Variants in HS3ST3B1 observed in about 807,000 individuals in gnomAD.
HS3ST3B1 encodes the protein heparan sulfate glucosamine 3-O-sulfotransferase 3B1.
Under a neutral mutation model 21.3 loss-of-function variants are expected in HS3ST3B1, and 13 were observed. The observed-to-expected ratio is 0.61, with a 90% CI of 0.40 to 0.97. The LOEUF is 0.97. Ranked by LOEUF, HS3ST3B1 falls within the 50% of genes least tolerant of loss-of-function variation. HS3ST3B1 has a pLI of 0.00. For synonymous variants in HS3ST3B1, 234 were observed against 254.8 expected, an observed-to-expected ratio of 0.92 and a Z score of 0.78; for missense variants, 459 against 554.8, an observed-to-expected ratio of 0.83 and a Z score of 1.73.
At chr17:14,310,315 G>T (rs1909267069) in intron 1 of HS3ST3B1, among the ~76,000 whole-genome samples, 1 of 152,098 alleles carries the variant, frequency 6.6e-6, no homozygotes, top group African/African-American at 2.4e-5. Flanking sequence ...TGTGCACAGA[G>T]CCCTGTAGCC....
intron 1 of HS3ST3B1, among the ~76,000 whole-genome samples, chr17:14,326,921 C>CAAAAAAAAAAAAAAAA (rs60800866): frequency 5.0e-5 from 3 of 60,480 alleles, no homozygotes; most frequent in Non-Finnish European, 1.1e-4. Flanking sequence ...AACTCTGTCT[C>CAAAAAAAAAAAAAAAA]AAAAAAAAAA....
intron 1 of HS3ST3B1, chr17:14,328,136 A>T (rs1185111379): frequency 6.6e-6 from 1 of 152,236 alleles, no homozygotes; most frequent in Non-Finnish European, 1.5e-5. Context: ...TTTAAGACTC[A>T]CCAGTCAGGC....
At chr17:14,331,425 G>C (rs1489247184) in intron 1 of HS3ST3B1, among the ~76,000 whole-genome samples, 1 of 152,078 alleles carries the variant, frequency 6.6e-6, no homozygotes, top group Non-Finnish European at 1.5e-5. Flanking sequence ...GCTCTTTTGA[G>C]CTCCACCCCC....
intron 1 of HS3ST3B1, among the ~76,000 whole-genome samples, chr17:14,308,543 G>A (rs148005590): frequency 3.3e-5 from 5 of 152,258 alleles, no homozygotes; most frequent in Admixed American, 6.5e-5. Flanking sequence ...ATTGCTGTTT[G>A]TAAAAATTAT....
chr17:14,325,018 A>C (rs1909764659), intron 1 of HS3ST3B1, among the ~76,000 whole-genome samples: 1 of 152,258 alleles, frequency 6.6e-6, no homozygotes, highest in Admixed American at 6.5e-5. Context: ...TGTCCTAAGA[A>C]ATGTACCCCA....
chr17:14,322,520 GT>G (rs1393828890), intron 1 of HS3ST3B1, among the ~76,000 whole-genome samples: 1 of 152,144 alleles, frequency 6.6e-6, no homozygotes, highest in Non-Finnish European at 1.5e-5. Context: ...TTATTTTTCT[GT>G]AGCATGAACT....
chr17:14,347,490 T>C lies in HS3ST3B1; in HGVS notation c.*1844T>C, dbSNP rs924220236. 3 of 152,262 alleles carry C rather than the reference T, an allele frequency of 2.0e-5. No individual in the cohort carries two copies. The highest frequency in any genetic ancestry group is 7.2e-5 in the African/African-American group (3 of 41,474). The allele number at this position is 152,262 out of a possible 1,614,324, so 9.4% of individuals were successfully genotyped here. On this transcript the variant is annotated 3_prime_UTR_variant, in exon 2 of 2. Transcript: ENST00000360954. ...TTCCATCAAGGAATATGTGGGAAGA[T>C]ATACATATTGTCAAAATGGTTGGGA...
chr17:14,315,160 A>G (rs1242489891), intron 1 of HS3ST3B1, among the ~76,000 whole-genome samples: 2 of 152,152 alleles, frequency 1.3e-5, no homozygotes, highest in Non-Finnish European at 2.9e-5. Context: ...TCACTCAGTC[A>G]TTCTGGTGTC....
At chr17:14,325,652 C>A (rs990546451) in intron 1 of HS3ST3B1, among the ~76,000 whole-genome samples, 2 of 152,182 alleles carry the variant, frequency 1.3e-5, no homozygotes, top group Non-Finnish European at 2.9e-5. Context: ...ACTGGAGACA[C>A]CTAGTGATCT....
Position 14,302,050 on chromosome 17 carries a change from G to C in HS3ST3B1, c.532G>C (p.Asp178His), listed in dbSNP as rs1163615261. The C allele has an allele frequency of 6.2e-7, 1 of 1,604,940 alleles. No individual in the cohort carries two copies. Among genetic ancestry groups the C allele is most frequent in the Admixed American group, 1.7e-5 (1 of 59,676 alleles). ...GCCCCATTTCTTCGATCGCAGCTAC[G>C]ACAAGGGCCTCGCTTGGTACCGGTG... ...AEPHFFDRSYDKGLAWYRDLM... is the reference protein window; with the variant it reads ...AEPHFFDRSYHKGLAWYRDLM... Residue 178 changes from aspartate (D) to histidine (H), a missense_variant, in exon 1 of 2, where the codon GAC becomes CAC. Physicochemically the swap from Asp to His is moderately conservative, Grantham distance 81. Around this residue, in one of 3 missense-constraint regions of HS3ST3B1, gnomAD observed 317 missense variants for 278.6 expected, o/e 1.14. Coordinates refer to ENST00000360954, the MANE Select transcript of HS3ST3B1 (RefSeq NM_006041.3).
intron 1 of HS3ST3B1, among the ~76,000 whole-genome samples, chr17:14,326,846 G>A (rs948133161): frequency 8.6e-5 from 13 of 150,686 alleles, no homozygotes; most frequent in Non-Finnish European, 1.6e-4. Flanking sequence ...GCTTGAACCC[G>A]GGAGGTGGAG....
At chr17:14,313,003 C>G (rs898727485) in intron 1 of HS3ST3B1, among the ~76,000 whole-genome samples, 9 of 149,570 alleles carry the variant, frequency 6.0e-5, no homozygotes, top group African/African-American at 2.0e-4. Flanking sequence ...CACCTGGGTT[C>G]AAGCAATTCT....
chr17:14,316,013 C>T (rs1909485627), intron 1 of HS3ST3B1, among the ~76,000 whole-genome samples: 1 of 152,180 alleles, frequency 6.6e-6, no homozygotes, highest in Admixed American at 6.5e-5. Flanking sequence ...CTTCCAGCAT[C>T]CTGAGGCATT....
intron 1 of HS3ST3B1, among the ~76,000 whole-genome samples, chr17:14,307,981 T>C (rs1027961222): frequency 2.0e-5 from 3 of 152,176 alleles, no homozygotes; most frequent in African/African-American, 4.8e-5. Context: ...ATGAAAACAA[T>C]ATGCTGCCTA....
Position 14,326,088 on chromosome 17 carries a change from T to C in HS3ST3B1, c.555-18940T>C, listed in dbSNP as rs117283239. 5.2e-4 allele frequency among the ~76,000 whole-genome samples: 79 copies of C among 152,164 alleles called. No homozygotes were observed. The East Asian group carries it at 0.015, about 29-fold the overall frequency. On this transcript the variant is annotated intron_variant, in intron 1 of 1. Transcript: ENST00000360954. ...ATTTTCAGGAAGGATGTTGGGAATG[T>C]AATAGTTATGAAAAAGGAACAAGGA...
At chr17:14,310,163 G>C (rs1302398362) in intron 1 of HS3ST3B1, among the ~76,000 whole-genome samples, 2 of 152,162 alleles carry the variant, frequency 1.3e-5, no homozygotes, top group African/African-American at 4.8e-5. Context: ...GGATGGAGAG[G>C]AGGAAGAGGA....
chr17:14,337,093 A>G (rs901337958), intron 1 of HS3ST3B1, among the ~76,000 whole-genome samples: 1 of 152,194 alleles, frequency 6.6e-6, no homozygotes, highest in Non-Finnish European at 1.5e-5. Context: ...TACTAGTATT[A>G]TTCTTTACCT....
At chr17:14,319,876 C>A (rs924896795) in intron 1 of HS3ST3B1, among the ~76,000 whole-genome samples, 16 of 152,022 alleles carry the variant, frequency 1.1e-4, no homozygotes, top group Non-Finnish European at 1.9e-4. Context: ...ATGCACCCAT[C>A]ACCCAAGCAA....
At chr17:14,343,793 A>G (rs1266415230) in intron 1 of HS3ST3B1, among the ~76,000 whole-genome samples, 1 of 152,222 alleles carries the variant, frequency 6.6e-6, no homozygotes, top group Non-Finnish European at 1.5e-5. Context: ...GCTATTATAA[A>G]ATGAATAGGA....
Sources: gnomAD v4.1 joint callset for allele counts (sites outside exome capture counted in the v4.1 genomes callset) on GRCh38, gnomAD v4.1.1 for gene constraint, gnomAD v4.1.1 regional missense constraint, MANE v1.5 for transcripts, NCBI Gene and HGNC (gene_info 2026-07-23, HGNC 2026-07-21) for gene names.